Variants in PLEC observed in about 807,000 individuals in gnomAD.
PLEC encodes hemidesmosomal protein 1.
In PLEC, 216 loss-of-function variants were observed where a neutral mutation model predicts 392.8. The ratio of observed to expected loss-of-function variants is 0.55; its 90% confidence interval spans 0.49 to 0.62. PLEC has a LOEUF of 0.62. PLEC is among the 20% of genes least tolerant of loss of function. The pLI, the probability that PLEC is intolerant of heterozygous loss-of-function variation, is 0.00. For missense variants in PLEC, 6,863 were observed against 6,563.4 expected (o/e 1.05, Z -1.58); for synonymous variants, 3,621 against 2,980.6 (o/e 1.21, Z -7.00).
chr8:143,954,398 C>CA (rs1198528182), upstream of PLEC, among the ~76,000 whole-genome samples: 3 of 152,202 alleles, frequency 2.0e-5, no homozygotes, highest in African/African-American at 7.2e-5. This position sits in a 1 kb window ranked among gnomAD's most constrained non-coding sequence, Gnocchi z 4.6. Context: ...CCAAAGATGA[C>CA]AGGTCCGACC....
upstream of PLEC, chr8:143,950,930 G>T (rs953208726): frequency 3.2e-6 from 3 of 931,676 alleles, no homozygotes; most frequent in African/African-American, 5.3e-5. Context: ...CGGCACTGCC[G>T]GCTGCCCGCC....
intron 26 of PLEC, 35 bp downstream of exon 26, chr8:143,927,819 C>T (rs1554708721): frequency 3.8e-6 from 6 of 1,574,590 alleles, no homozygotes; most frequent in South Asian, 1.1e-5. Flanking sequence ...GCTGTACCCC[C>T]ACCCCGCCAT....
chr8:143,974,990 G>A (rs1833607194), upstream of PLEC, among the ~76,000 whole-genome samples: 1 of 152,198 alleles, frequency 6.6e-6, no homozygotes, highest in Admixed American at 6.5e-5. The surrounding 1 kb of genome is among the most constrained non-coding windows in gnomAD (Gnocchi z 5.9). Context: ...CTCATGAACC[G>A]CCTGGGCGCG....
chr8:143,948,536 G>A (rs1384345657), intron 1 of PLEC, among the ~76,000 whole-genome samples: 1 of 152,226 alleles, frequency 6.6e-6, no homozygotes, highest in East Asian at 1.9e-4. Flanking sequence ...GTGAGGTCCA[G>A]GGCAGAGAGG....
rs782629920 is a variant in PLEC, at chr8:143,920,132, G to C, written c.9689C>G (p.Ala3230Gly). The stretch of plus-strand genomic sequence containing the variant: ...CGGGGTCTTTTCAAAGGTCTCACGG[G>C]CCTGCAGCTCTGAGTAGAGCTCCTC... ...RQEELYSELQ[A>G]RETFEKTPVE... The change falls in exon 32 of 32, where the codon GCC becomes GGC. Residue 3230 changes from alanine (A) to glycine (G), a missense_variant. Ala to Gly is a moderately conservative substitution (Grantham distance 60, BLOSUM62 0). Transcript: ENST00000345136. 1 of 1,612,878 alleles carries C rather than the reference G, an allele frequency of 6.2e-7. No homozygotes were observed. Among genetic ancestry groups the C allele is most frequent in the Admixed American group, 1.7e-5 (1 of 60,030 alleles).
At position 143,939,479 on chromosome 8, in the gene PLEC, G is replaced by A. The variant is rs939429310; in HGVS notation, c.-18C>T. On this transcript the variant is annotated 5_prime_UTR_variant, in exon 1 of 32. In the 5' UTR this introduces an upstream ATG that the reference lacks. Coordinates refer to ENST00000345136, the MANE Select transcript of PLEC (RefSeq NM_201384.3). ...TGAGACATGCTGCCCCCACACCTTC[G>A]TCGCCCGGACCCTCGGCCTCAGGCA... The A allele has an allele frequency of 2.6e-5, 42 of 1,604,946 alleles. No homozygotes were observed. Among genetic ancestry groups the A allele is most frequent in the African/African-American group, 4.0e-5 (3 of 74,816 alleles).
Position 143,931,935 on chromosome 8 carries a change from A to C in PLEC, c.2178+2T>G, listed in dbSNP as rs1554715907. 6.2e-7 allele frequency: 1 copy of C among 1,604,138 alleles called. No individual in the cohort carries two copies. Among genetic ancestry groups the C allele is most frequent in the Non-Finnish European group, 8.5e-7 (1 of 1,176,384 alleles). ...CAGTGCGGAGGGGGCTCCGGTTCTC[A>C]CCTGAAAGTAGGCAGCGTTCTCCTT... On this transcript the variant is annotated splice_donor_variant, in intron 18 of 31. Coordinates refer to ENST00000345136, the MANE Select transcript of PLEC (RefSeq NM_201384.3). LOFTEE classifies it high-confidence loss of function.
chr8:143,953,523 G>T (rs1383994642), upstream of PLEC, among the ~76,000 whole-genome samples: 1 of 152,076 alleles, frequency 6.6e-6, no homozygotes, highest in Non-Finnish European at 1.5e-5. Context: ...CTGCGGAGCC[G>T]CTGAAGCCAG....
chr8:143,934,334 G>T lies in PLEC; in HGVS notation c.1153C>A (p.Arg385Ser). 1.2e-6 allele frequency: 2 copies of T among 1,612,346 alleles called. No individual in the cohort carries two copies. The highest frequency in any genetic ancestry group is 2.2e-5 in the East Asian group (1 of 44,870). Residue 385 changes from arginine (R) to serine (S), a missense_variant, in exon 11 of 32, where the codon CGC (arginine) becomes AGC (serine). Coordinates refer to ENST00000345136, the MANE Select transcript of PLEC (RefSeq NM_201384.3). ...CCCACCCACCTCTCAAACTCGCTGCGGAGCTGCTTCTCCCGCTCCAGGATG... is the reference window on the plus strand; with the variant it reads ...CCCACCCACCTCTCAAACTCGCTGCTGAGCTGCTTCTCCCGCTCCAGGATG... ...VAILEREKQL[R>S]SEFERLECLQ...
chr8:143,924,290 AGCC>A lies in PLEC; in HGVS notation c.5636_5638del (p.Arg1879del). The A allele has an allele frequency of 6.3e-7, 1 of 1,594,200 alleles. No homozygotes were observed. On this transcript the variant is annotated inframe_deletion, in exon 31 of 32. Transcript: ENST00000345136. ...CTTGTGTTGCGCGGCCTGCTCCTCC[AGCC>A]GCCGCCGCTGGAAGGCCTCGTCCTC...
At position 143,939,420 on chromosome 8, in the gene PLEC, C is replaced by A; in HGVS notation, c.42G>T (p.Leu14=). The change falls in exon 1 of 32, where the codon CTG becomes CTT. Residue 14 remains leucine, a synonymous_variant. Transcript: ENST00000345136. The stretch of plus-strand genomic sequence containing the variant: ...CCTCCGAGCTGGTTCTCTTTCGGCC[C>A]AGGCCCTCGGGCTGCGGCACGCGGA... ...HQLRVPQPEG[L]GRKRTSSEDN... is the part of the protein sequence containing the mutation. 6.2e-7 allele frequency: 1 copy of A among 1,612,688 alleles called. No homozygotes were observed.
At position 143,923,715 on chromosome 8, in the gene PLEC, CCTG is replaced by C; in HGVS notation, c.6211_6213del (p.Gln2071del). 6.5e-7 allele frequency: 1 copy of C among 1,544,506 alleles called. No homozygotes were observed. The highest frequency in any genetic ancestry group is 8.7e-7 in the Non-Finnish European group (1 of 1,151,228). ...CGCAGCTGGTCCAGCACGCTCTGCT[CCTG>C]CTGCAGCGTCTGCTGTAGCTCCTGC... On this transcript the variant is annotated inframe_deletion, in exon 31 of 32. Transcript: ENST00000345136.
At chr8:143,945,122 C>T (rs899971130) in intron 1 of PLEC, 1 of 413,776 alleles carries the variant, frequency 2.4e-6, no homozygotes, top group Non-Finnish European at 4.8e-6. Context: ...GAGAAGAGGC[C>T]GCCCATTCTC....
In PLEC at chr8:143,972,707, A is replaced by G. The variant is rs1226858577; in HGVS notation, c.70+696T>C. On this transcript the variant is annotated intron_variant, in intron 1 of 31. Transcript: ENST00000356346. ...ACAACCGCCTGGAGCCGGGCGACCC[A>G]GGCTGAGCCAGGCAGCTGGGCTGCA... Among the ~76,000 whole-genome samples, 6 of 152,288 alleles carry G rather than the reference A, an allele frequency of 3.9e-5. No individual in the cohort carries two copies. In the East Asian group the frequency reaches 1.2e-3, roughly 29 times the overall value.
At position 143,933,111 on chromosome 8, in the gene PLEC, C is replaced by A; in HGVS notation, c.1419G>T (p.Arg473Ser). 1 of 1,597,244 alleles carries A rather than the reference C, an allele frequency of 6.3e-7. No homozygotes were observed. The highest frequency in any genetic ancestry group is 8.5e-7 in the Non-Finnish European group (1 of 1,174,696). The stretch of plus-strand genomic sequence containing the variant: ...CCAGGCGCTCGTGCAGACGGTACAC[C>A]CTGGGGCAGCAGAGGACTCAGGTAG... ...RHPQGEQMYR[R>S]VYRLHERLVA... Residue 473 changes from arginine (R) to serine (S), a missense_variant and splice_region_variant, in exon 14 of 32, where the codon AGG (arginine) becomes AGT (serine). Coordinates refer to ENST00000345136, the MANE Select transcript of PLEC (RefSeq NM_201384.3).
chr8:143,944,034 CGCG>C (rs1364521785), upstream of PLEC: 14 of 1,297,654 alleles, frequency 1.1e-5, no homozygotes, highest in Middle Eastern at 2.6e-4. Flanking sequence ...CCGCCCCATA[CGCG>C]GCGGCAGCCC....
rs1329637104 is a variant in PLEC at position 143,918,059 on chromosome 8, ACCT to A, written c.11759_11761del (p.Glu3920del). 6.2e-7 allele frequency: 1 copy of A among 1,603,294 alleles called. No individual in the cohort carries two copies. Among genetic ancestry groups the A allele is most frequent in the Non-Finnish European group, 8.5e-7 (1 of 1,176,722 alleles). On this transcript the variant is annotated inframe_deletion, in exon 32 of 32. Transcript: ENST00000345136. Reference sequence around the variant, plus strand: ...CAGGAACTTCTGCAAGTTCTTGGTGACCTCCTCGATGGAGGTCAGGCCCTCCCG... The same window carrying A: ...CAGGAACTTCTGCAAGTTCTTGGTGACCTCGATGGAGGTCAGGCCCTCCCG...
rs1209802672 is a variant in PLEC, at chr8:143,916,074, G to A, written c.*103C>T. The A allele has an allele frequency of 1.9e-5, 14 of 726,444 alleles. No homozygotes were observed. The highest frequency in any genetic ancestry group is 2.8e-5 in the Non-Finnish European group (13 of 459,324). The allele number at this position is 726,444 out of a possible 1,614,324, so 45.0% of individuals were successfully genotyped here. A position where few individuals can be genotyped will look rare whatever the true frequency, so the allele number is the denominator to read the frequency against. ...TCTGGTCTTTTTGGTTAAACTTTAG[G>A]CACCACTTGGGAGGAAGACACCTTT... is the stretch of plus-strand genomic sequence containing the variant. On this transcript the variant is annotated 3_prime_UTR_variant, in exon 32 of 32. Transcript: ENST00000345136.
chr8:143,974,186 G>T (rs1451411695), upstream of PLEC, among the ~76,000 whole-genome samples: 1 of 152,202 alleles, frequency 6.6e-6, no homozygotes, highest in African/African-American at 2.4e-5. This position sits in a 1 kb window ranked among gnomAD's most constrained non-coding sequence, Gnocchi z 5.9. Context: ...TAAGGAAACC[G>T]TCAGAGGACG....
Sources: allele counts gnomAD v4.1 joint callset (sites outside exome capture counted in the v4.1 genomes callset), GRCh38; gene constraint gnomAD v4.1.1; non-coding constraint Gnocchi (gnomAD v3.1); transcripts MANE v1.5; gene names NCBI Gene and HGNC (gene_info 2026-07-23, HGNC 2026-07-21).